ATF1: variants seen among roughly 807,000 people sequenced by gnomAD.
The protein encoded by ATF1 is activating transcription factor 1, also known as cyclic AMP-dependent transcription factor ATF-1.
Under a neutral mutation model 34.7 loss-of-function variants are expected in ATF1, and 16 were observed. The observed-to-expected ratio is 0.46, with a 90% CI of 0.31 to 0.70. The LOEUF (loss-of-function observed/expected upper bound fraction) is 0.70, where lower values mean the gene tolerates loss of function less well. Ranked by LOEUF, ATF1 falls within the 30% of genes least tolerant of loss-of-function variation. The pLI is 0.05. For missense variants in ATF1, 255 were observed against 321.6 expected, an observed-to-expected ratio of 0.79 and a Z score of 1.58; for synonymous variants, 105 against 113.1, an observed-to-expected ratio of 0.93 and a Z score of 0.46.
intron 1 of ATF1, among the ~76,000 whole-genome samples, chr12:50,765,980 C>A (rs1940624280): frequency 1.3e-5 from 2 of 152,188 alleles, no homozygotes; most frequent in African/African-American, 2.4e-5. Context: ...TTACTTTCTT[C>A]ATAATGTTAC....
Position 50,780,362 on chromosome 12 carries a change from G to A in ATF1, c.93+124G>A, listed in dbSNP as rs574489007. ...TTTTGTTTTTTGGGTTTTTTTTTTC[G>A]AGGCAGATTTTTGCTCTAGTTGCCC... On this transcript the variant is annotated intron_variant, in intron 2 of 6. Coordinates refer to ENST00000262053, the MANE Select transcript of ATF1 (RefSeq NM_005171.5). 371 of 849,592 alleles carry A rather than the reference G, an allele frequency of 4.4e-4. 4 individuals are homozygous for A. Among genetic ancestry groups the A allele is most frequent in the South Asian group, 3.9e-3 (211 of 54,686 alleles). The allele number at this position is 849,592 out of a possible 1,614,324, so 52.6% of individuals were successfully genotyped here. A position where few individuals can be genotyped will look rare whatever the true frequency, so the allele number is the denominator to read the frequency against.
chr12:50,804,090 T>C (rs1941567268), intron 3 of ATF1, among the ~76,000 whole-genome samples: 1 of 152,196 alleles, frequency 6.6e-6, no homozygotes, highest in Non-Finnish European at 1.5e-5. Flanking sequence ...AATTGTTTGG[T>C]ATGTGAATTA....
intron 1 of ATF1, among the ~76,000 whole-genome samples, chr12:50,771,557 C>T (rs968256766): frequency 3.3e-5 from 5 of 152,086 alleles, no homozygotes; most frequent in Non-Finnish European, 5.9e-5. Flanking sequence ...GATGGATCTT[C>T]GTCCCTCTGC....
At chr12:50,796,829 G>A (rs893304397) in intron 3 of ATF1, among the ~76,000 whole-genome samples, 1 of 152,102 alleles carries the variant, frequency 6.6e-6, no homozygotes, top group African/African-American at 2.4e-5. Flanking sequence ...TAGGCGATAA[G>A]CTCTTCGACA....
intron 1 of ATF1, among the ~76,000 whole-genome samples, chr12:50,767,051 C>G (rs1354210383): frequency 6.6e-6 from 1 of 152,096 alleles, no homozygotes; most frequent in Admixed American, 6.6e-5. Flanking sequence ...ACATAATTTT[C>G]CTTTATGATA....
At chr12:50,782,243 G>T (rs764646639) in intron 2 of ATF1, among the ~76,000 whole-genome samples, 43 of 85,098 alleles carry the variant, frequency 5.1e-4, no homozygotes, top group Non-Finnish European at 9.2e-4. Flanking sequence ...TGTTTTTTTT[G>T]TTTGTTTGTT....
At position 50,809,373 on chromosome 12, in the gene ATF1, C is replaced by CAA. The variant is rs56060219; in HGVS notation, c.195-62_195-61dup. ...TGGGTGACAAAGCAAGATCTTGTCTCAAAAAAAAAAAAAAAAAAAAAATTA... is the reference window on the plus strand; with the variant it reads ...TGGGTGACAAAGCAAGATCTTGTCTCAAAAAAAAAAAAAAAAAAAAAAAATTA... On this transcript the variant is annotated intron_variant, in intron 3 of 6. Transcript: ENST00000262053. 0.011 allele frequency: 8,258 copies of CAA among 753,856 alleles called. 191 individuals carry two copies. In the African/African-American group the frequency reaches 0.12, roughly 11 times the overall value. 46.7% of individuals were successfully genotyped at this position (753,856 alleles called of 1,614,324 possible). A position where few individuals can be genotyped will look rare whatever the true frequency, so the allele number is the denominator to read the frequency against.
chr12:50,779,346 G>A (rs910791109), intron 1 of ATF1, among the ~76,000 whole-genome samples: 2 of 152,152 alleles, frequency 1.3e-5, no homozygotes, highest in African/African-American at 4.8e-5. Flanking sequence ...CATAATAGCT[G>A]TACCACTTTA....
Position 50,773,676 on chromosome 12 carries a change from G to A in ATF1, c.-6-6464G>A, listed in dbSNP as rs150216713. Among the ~76,000 whole-genome samples the A allele has an allele frequency of 2.9e-3, 446 of 151,560 alleles. 1 individual carries two copies. Among genetic ancestry groups the A allele is most frequent in the Non-Finnish European group, 5.0e-3 (343 of 67,932 alleles). ...AATTTCTGTTCACTGCATCGTTTCC[G>A]CCTCCTGGGTTCAGGCGATTCTCCT... On this transcript the variant is annotated intron_variant, in intron 1 of 6. Transcript: ENST00000262053.
rs1452313323 is a variant in ATF1 at position 50,786,184 on chromosome 12, G to A, written c.93+5946G>A. Among the ~76,000 whole-genome samples the A allele has an allele frequency of 3.3e-5, 5 of 152,090 alleles. No individual in the cohort carries two copies. The East Asian group carries it at 9.6e-4, about 29-fold the overall frequency. The stretch of plus-strand genomic sequence containing the variant: ...ATTTAGGAGTTGTGGCTATATAGGT[G>A]GTATTTATAATTATGGGATGATTTC... On this transcript the variant is annotated intron_variant, in intron 2 of 6. Transcript: ENST00000262053.
intron 3 of ATF1, among the ~76,000 whole-genome samples, chr12:50,807,810 T>G (rs1268021761): frequency 1.6e-5 from 2 of 125,018 alleles, no homozygotes; most frequent in Admixed American, 1.5e-4. Flanking sequence ...GTGTTTTTTT[T>G]TTGTTTTTTT....
intron 3 of ATF1, among the ~76,000 whole-genome samples, chr12:50,798,461 A>ATGC: frequency 6.6e-6 from 1 of 151,852 alleles, no homozygotes. Context: ...GGCGCCCGCC[A>ATGC]CCACACCTGG....
chr12:50,774,713 T>A (rs1940867767), intron 1 of ATF1, among the ~76,000 whole-genome samples: 1 of 151,978 alleles, frequency 6.6e-6, no homozygotes, highest in Non-Finnish European at 1.5e-5. Flanking sequence ...AACTATAAAA[T>A]TTTTATTTTG....
intron 1 of ATF1, among the ~76,000 whole-genome samples, chr12:50,772,578 G>A (rs1940802505): frequency 6.6e-6 from 1 of 151,830 alleles, no homozygotes; most frequent in African/African-American, 2.4e-5. Flanking sequence ...CACCCACCTC[G>A]GCCTCCCAAA....
chr12:50,809,486 T>TAAGG lies in ATF1; in HGVS notation c.226_227insAGGA (p.Thr76LysfsTer31). 6.2e-7 allele frequency: 1 copy of TAAGG among 1,613,008 alleles called. No homozygotes were observed. On this transcript the variant is annotated frameshift_variant, in exon 4 of 7. Coordinates refer to ENST00000262053, the MANE Select transcript of ATF1 (RefSeq NM_005171.5). LOFTEE classifies it high-confidence loss of function. ...TTTTGAAAGACTTATCTTCTGAAGA[T>TAAGG]ACACGGGGCAGAAAAGGAGACGGAG...
At chr12:50,764,720 T>A (rs760688498) in intron 1 of ATF1, 1 of 151,956 alleles carries the variant, frequency 6.6e-6, no homozygotes. Flanking sequence ...GGAGCCCGGG[T>A]CTGGTTAACC....
chr12:50,803,830 A>G (rs765295616), intron 3 of ATF1, among the ~76,000 whole-genome samples: 4 of 152,248 alleles, frequency 2.6e-5, no homozygotes, highest in Non-Finnish European at 5.9e-5. Context: ...ATATTAAACT[A>G]AAAGAAGTCA....
intron 3 of ATF1, among the ~76,000 whole-genome samples, chr12:50,802,909 A>G (rs1319690121): frequency 4.9e-5 from 7 of 142,834 alleles, no homozygotes. Context: ...TAAATAAGTG[A>G]AAAGACATCT....
At chr12:50,804,808 A>T (rs1003376986) in intron 3 of ATF1, among the ~76,000 whole-genome samples, 2 of 150,946 alleles carry the variant, frequency 1.3e-5, no homozygotes, top group African/African-American at 4.9e-5. Flanking sequence ...AGCCAACAAG[A>T]TCTTTTTTTT....
Sources: allele counts gnomAD v4.1 joint callset (sites outside exome capture counted in the v4.1 genomes callset), GRCh38; gene constraint gnomAD v4.1.1; transcripts MANE v1.5; gene names NCBI Gene and HGNC (gene_info 2026-07-23, HGNC 2026-07-21).